The following GRIK4 variants were observed in gnomAD, a reference collection of about 807,000 sequenced individuals.
GRIK4 encodes glutamate receptor ionotropic, kainate 4.
GRIK4 carries 40 observed loss-of-function variants against 104.9 expected under a neutral mutation model. The observed-to-expected ratio is 0.38, with a 90% CI of 0.30 to 0.50. The LOEUF (loss-of-function observed/expected upper bound fraction) is 0.50, where lower values mean the gene tolerates loss of function less well. GRIK4 is among the 20% of genes least tolerant of loss of function. The probability of loss-of-function intolerance (pLI) is 0.93; values close to 1 mark genes in which losing one functional copy is unlikely to be tolerated. For missense variants in GRIK4, 1,047 were observed against 1,308.1 expected (o/e 0.80, Z 3.08); for synonymous variants, 485 against 524.9 (o/e 0.92, Z 1.04).
At chr11:120,539,781 G>A (rs114864139) in intron 1 of GRIK4, among the ~76,000 whole-genome samples, 3 of 152,320 alleles carry the variant, frequency 2.0e-5, no homozygotes, top group East Asian at 1.9e-4. Flanking sequence ...CAAAGAAAAT[G>A]TGTGCCAGGA....
intron 3 of GRIK4, among the ~76,000 whole-genome samples, chr11:120,666,980 T>TA (rs1394200918): frequency 2.0e-5 from 3 of 152,320 alleles, no homozygotes; most frequent in African/African-American, 7.2e-5. Flanking sequence ...TGATTCCTTG[T>TA]AAAAAAGTGT....
intron 3 of GRIK4, among the ~76,000 whole-genome samples, chr11:120,679,866 A>G (rs1213248809): frequency 6.6e-6 from 1 of 152,100 alleles, no homozygotes; most frequent in Non-Finnish European, 1.5e-5. Context: ...CATCGTTCCC[A>G]TCCCTATCCC....
At chr11:120,984,762 C>G (rs1267341487) in intron 20 of GRIK4, among the ~76,000 whole-genome samples, 1 of 149,328 alleles carries the variant, frequency 6.7e-6, no homozygotes, top group Non-Finnish European at 1.5e-5. Flanking sequence ...GAGGAAGACT[C>G]TTGTCTAAAA....
chr11:120,666,646 C>G (rs138571672), intron 3 of GRIK4, among the ~76,000 whole-genome samples: 178 of 152,300 alleles, frequency 1.2e-3, no homozygotes, highest in African/African-American at 4.2e-3. Context: ...GAGCTGATTT[C>G]CATATCATTT....
intron 3 of GRIK4, among the ~76,000 whole-genome samples, chr11:120,791,587 G>T (rs1381475015): frequency 6.6e-6 from 1 of 152,104 alleles, no homozygotes; most frequent in African/African-American, 2.4e-5. Flanking sequence ...CTTTTGAAGA[G>T]CATACATTCT....
chr11:120,753,094 C>T (rs965914897), intron 3 of GRIK4, among the ~76,000 whole-genome samples: 6 of 152,246 alleles, frequency 3.9e-5, no homozygotes, highest in Admixed American at 3.3e-4. Flanking sequence ...GTGTCCTTTA[C>T]AGGAGAGCAG....
intron 1 of GRIK4, among the ~76,000 whole-genome samples, chr11:120,516,774 G>A (rs1476702014): frequency 6.6e-6 from 1 of 152,162 alleles, no homozygotes; most frequent in Non-Finnish European, 1.5e-5. Context: ...GATTTCCAGT[G>A]CTGGAGACCA....
chr11:120,986,727 T>C lies in GRIK4; in HGVS notation c.*467T>C, dbSNP rs1944762062. On this transcript the variant is annotated 3_prime_UTR_variant, in exon 21 of 21. Coordinates refer to ENST00000527524, the MANE Select transcript of GRIK4 (RefSeq NM_014619.5). ...TGGATTTGTATATTTTTGTTAATGT[T>C]CTTTTCCCTTTTCTTTCCTCCTCTC... is the stretch of plus-strand genomic sequence containing the variant. 1 of 153,338 alleles carries C rather than the reference T, an allele frequency of 6.5e-6. No homozygotes were observed. Among genetic ancestry groups the C allele is most frequent in the South Asian group, 2.1e-4 (1 of 4,846 alleles). The allele number at this position is 153,338 out of a possible 1,614,324, so 9.5% of individuals were successfully genotyped here.
Position 120,929,751 on chromosome 11 carries a change from A to G in GRIK4, c.1477-10596A>G, listed in dbSNP as rs575291020. 1.4e-4 allele frequency among the ~76,000 whole-genome samples: 22 copies of G among 152,246 alleles called. No individual in the cohort carries two copies. In the South Asian group the frequency reaches 4.6e-3, roughly 32 times the overall value. On this transcript the variant is annotated intron_variant, in intron 13 of 20. Transcript: ENST00000527524. ...CCTTCCTCTTCTGGTTGGGCGTCCC[A>G]CATGACACCGTCCAAGGTGTTAGAG...
intron 19 of GRIK4, among the ~76,000 whole-genome samples, chr11:120,979,501 G>C (rs1039455130): frequency 6.6e-6 from 1 of 152,138 alleles, no homozygotes; most frequent in African/African-American, 2.4e-5. Context: ...GTGTTTTTAA[G>C]GGCTTTTAGA....
chr11:120,598,585 CTG>C (rs1161547032), intron 1 of GRIK4, among the ~76,000 whole-genome samples: 1 of 152,200 alleles, frequency 6.6e-6, no homozygotes, highest in African/African-American at 2.4e-5. Context: ...ATTGATGGCT[CTG>C]TGTTTGGCTA....
chr11:120,601,436 C>A (rs1948885434), intron 1 of GRIK4, among the ~76,000 whole-genome samples: 1 of 152,046 alleles, frequency 6.6e-6, no homozygotes, highest in South Asian at 2.1e-4. Flanking sequence ...CCCAAAAGAA[C>A]CTTGTCCAGG....
At chr11:120,896,837 A>G (rs12574454) in intron 11 of GRIK4, among the ~76,000 whole-genome samples, 44,212 of 152,192 alleles carry the variant, frequency 0.29, 9,029 homozygotes, top group African/African-American at 0.57. Flanking sequence ...AGCTGCTGCT[A>G]CTGCCTGCAG....
intron 11 of GRIK4, among the ~76,000 whole-genome samples, chr11:120,879,269 C>A (rs2135698963): frequency 6.6e-6 from 1 of 152,368 alleles, no homozygotes; most frequent in East Asian, 1.9e-4. Flanking sequence ...TGTTGGTCTG[C>A]TGCCACCTGC....
intron 1 of GRIK4, among the ~76,000 whole-genome samples, chr11:120,622,090 G>A (rs1389124898): frequency 1.3e-5 from 2 of 152,014 alleles, no homozygotes; most frequent in Non-Finnish European, 2.9e-5. Flanking sequence ...TAGTAGAGAC[G>A]GAGTTTTGCC....
chr11:120,893,603 C>T (rs1301323279), intron 11 of GRIK4, among the ~76,000 whole-genome samples: 1 of 152,226 alleles, frequency 6.6e-6, no homozygotes, highest in African/African-American at 2.4e-5. Flanking sequence ...ATGCCCAGCA[C>T]AGAGCCCCTG....
chr11:120,875,954 C>G (rs992230550), intron 11 of GRIK4, among the ~76,000 whole-genome samples: 2 of 152,102 alleles, frequency 1.3e-5, no homozygotes, highest in Non-Finnish European at 2.9e-5. Context: ...GCTGACCCTT[C>G]TGCAGCCTTA....
chr11:120,541,868 T>C (rs1422110101), intron 1 of GRIK4, among the ~76,000 whole-genome samples: 1 of 152,182 alleles, frequency 6.6e-6, no homozygotes, highest in Non-Finnish European at 1.5e-5. Flanking sequence ...GAATTAATAT[T>C]GTCAAAATGT....
intron 1 of GRIK4, among the ~76,000 whole-genome samples, chr11:120,516,624 G>C (rs1355963715): frequency 6.6e-6 from 1 of 152,168 alleles, no homozygotes; most frequent in Non-Finnish European, 1.5e-5. Flanking sequence ...CAGAAGCGCG[G>C]GTTGAGGGCT....
Sources: allele counts gnomAD v4.1 joint callset (sites outside exome capture counted in the v4.1 genomes callset), GRCh38; gene constraint gnomAD v4.1.1; transcripts MANE v1.5; gene names NCBI Gene and HGNC (gene_info 2026-07-23, HGNC 2026-07-21).